NUP214: variants seen among roughly 807,000 people sequenced by gnomAD.
The protein encoded by NUP214 is nucleoporin 214.
Under a neutral mutation model 196.2 loss-of-function variants are expected in NUP214, and 79 were observed. That is an observed-to-expected ratio of 0.40 (90% confidence interval 0.34 to 0.49). The LOEUF (loss-of-function observed/expected upper bound fraction) is 0.49. NUP214 is among the 20% of genes least tolerant of loss of function. The pLI, the probability that NUP214 is intolerant of heterozygous loss-of-function variation, is 0.58. For missense variants in NUP214, 2,468 were observed against 2,539.0 expected, an observed-to-expected ratio of 0.97 and a Z score of 0.60; for synonymous variants, 1,020 against 990.5, an observed-to-expected ratio of 1.03 and a Z score of -0.56.
rs201160630 is a variant in NUP214 at position 131,159,871 on chromosome 9, A to AG, written c.2540+385_2540+386insG. On this transcript the variant is annotated intron_variant, in intron 18 of 35. Transcript: ENST00000359428. ...AAATTCCCATCTCAAAAAAAAAAAA[A>AG]CAAGAAAGAGAAAATCTCTACAAAA... 7.5e-3 allele frequency among the ~76,000 whole-genome samples: 1,136 copies of AG among 151,952 alleles called. 13 individuals are homozygous for AG. Among genetic ancestry groups the AG allele is most frequent in the African/African-American group, 0.026 (1,067 of 41,454 alleles).
intron 24 of NUP214, among the ~76,000 whole-genome samples, chr9:131,181,117 G>A (rs557964709): frequency 6.6e-5 from 10 of 152,242 alleles, no homozygotes; most frequent in African/African-American, 2.4e-4. Flanking sequence ...GCCAGGGAAG[G>A]CCTTCTCAGG....
chr9:131,153,689 T>C (rs1212445571), intron 17 of NUP214, among the ~76,000 whole-genome samples: 1 of 152,254 alleles, frequency 6.6e-6, no homozygotes, highest in Non-Finnish European at 1.5e-5. Context: ...GAGTGTTTAC[T>C]ATGGACAATG....
rs967108471 is a variant in NUP214, at chr9:131,198,016, A to C, written c.4522A>C (p.Ser1508Arg). The change falls in exon 29 of 36, where the codon AGT (serine) becomes CGT (arginine). Residue 1508 changes from serine to arginine, a missense_variant. Coordinates refer to ENST00000359428, the MANE Select transcript of NUP214 (RefSeq NM_005085.4). ...AGCTTTGCCTGAGAAGCCAGGTGAC[A>C]GTGAGGTCTCAGCATCAGCAGCCTC... ...SSALPEKPGD[S>R]EVSASAASLL... 2.5e-6 allele frequency: 4 copies of C among 1,614,240 alleles called. No homozygotes were observed. Among genetic ancestry groups the C allele is most frequent in the Non-Finnish European group, 3.4e-6 (4 of 1,180,038 alleles).
chr9:131,212,142 T>C (rs2131074376), intron 30 of NUP214, among the ~76,000 whole-genome samples: 1 of 152,270 alleles, frequency 6.6e-6, no homozygotes, highest in East Asian at 1.9e-4. Context: ...AGCCCCAGTC[T>C]CCTGTGGCAC....
chr9:131,181,255 C>T (rs1429686680), intron 24 of NUP214, among the ~76,000 whole-genome samples: 1 of 152,086 alleles, frequency 6.6e-6, no homozygotes, highest in African/African-American at 2.4e-5. Context: ...CAGGGGGGAC[C>T]TCTGGTGACG....
intron 18 of NUP214, among the ~76,000 whole-genome samples, chr9:131,162,532 C>T (rs948797776): frequency 6.6e-6 from 1 of 152,176 alleles, no homozygotes; most frequent in Non-Finnish European, 1.5e-5. Flanking sequence ...GATGCTAAAT[C>T]TTATGCTGTC....
At chr9:131,130,067 G>T (rs1831484525) in intron 4 of NUP214, among the ~76,000 whole-genome samples, 1 of 150,750 alleles carries the variant, frequency 6.6e-6, no homozygotes, top group Non-Finnish European at 1.5e-5. Flanking sequence ...TACTCTGAAA[G>T]TCATTTGTAC....
At chr9:131,161,785 T>C (rs1012822188) in intron 18 of NUP214, among the ~76,000 whole-genome samples, 2 of 152,224 alleles carry the variant, frequency 1.3e-5, no homozygotes, top group Non-Finnish European at 2.9e-5. Flanking sequence ...TTTGTCATTA[T>C]ATGATCATCA....
chr9:131,154,848 C>T lies in NUP214; in HGVS notation c.2436+2954C>T, dbSNP rs1013956779. 9.2e-5 allele frequency among the ~76,000 whole-genome samples: 14 copies of T among 151,930 alleles called. 1 individual carries two copies. The South Asian group carries it at 1.0e-3, about 11-fold the overall frequency. ...AGTTGTGTGTGTGTGTGTGTGCGCA[C>T]GCGCACGCTCGCGTGTGTGTCACAT... On this transcript the variant is annotated intron_variant, in intron 17 of 35. Transcript: ENST00000359428.
At chr9:131,132,238 G>C (rs1831576236) in intron 5 of NUP214, among the ~76,000 whole-genome samples, 1 of 149,768 alleles carries the variant, frequency 6.7e-6, no homozygotes. Context: ...TCCTGCCTCA[G>C]CCTCCCGAGT....
intron 21 of NUP214, among the ~76,000 whole-genome samples, chr9:131,172,336 G>T (rs932161961): frequency 1.3e-5 from 2 of 152,068 alleles, no homozygotes; most frequent in Non-Finnish European, 2.9e-5. Flanking sequence ...GTGTTTTTTG[G>T]CTGCATAAAT....
chr9:131,133,882 G>A lies in NUP214; in HGVS notation c.831+673G>A, dbSNP rs1250603493. ...GTGTGCTAGGCACTGCTTTAAAGCT[G>A]AGTATATAGCAGTGATCAAGGTGAT... On this transcript the variant is annotated intron_variant, in intron 7 of 35. Transcript: ENST00000359428. 3.3e-5 allele frequency among the ~76,000 whole-genome samples: 5 copies of A among 152,168 alleles called. 1 individual carries two copies. The highest frequency in any genetic ancestry group is 1.5e-5 in the Non-Finnish European group (1 of 68,030).
chr9:131,222,745 C>G, intron 31 of NUP214, 33 bp from the exon 32 acceptor site: 2 of 1,600,312 alleles, frequency 1.2e-6, no homozygotes, highest in Non-Finnish European at 1.7e-6. Flanking sequence ...CATTTGTCTC[C>G]CTCTGACCTC....
At chr9:131,222,720 A>C in intron 31 of NUP214, 58 bp from the exon 32 acceptor site, 2 of 1,556,112 alleles carry the variant, frequency 1.3e-6, no homozygotes, top group South Asian at 2.4e-5. Context: ...CTGTGTTCTG[A>C]GAAGCAGGTA....
At chr9:131,209,933 A>G (rs1407067232) in intron 30 of NUP214, among the ~76,000 whole-genome samples, 1 of 152,220 alleles carries the variant, frequency 6.6e-6, no homozygotes, top group Admixed American at 6.5e-5. Context: ...CACCTCAGAT[A>G]CTTACAGACC....
At chr9:131,173,589 T>C (rs1235206783) in intron 21 of NUP214, among the ~76,000 whole-genome samples, 1 of 151,828 alleles carries the variant, frequency 6.6e-6, no homozygotes, top group Admixed American at 6.6e-5. Flanking sequence ...ATTAGATTTA[T>C]CTGGAAATGT....
chr9:131,131,720 G>T (rs762944630), intron 5 of NUP214, among the ~76,000 whole-genome samples: 1 of 151,876 alleles, frequency 6.6e-6, no homozygotes, highest in African/African-American at 2.4e-5. Context: ...GTCTTGCTCT[G>T]TTGCCCAGGC....
intron 18 of NUP214, among the ~76,000 whole-genome samples, chr9:131,161,896 A>G (rs1832648648): frequency 6.6e-6 from 1 of 152,220 alleles, no homozygotes; most frequent in African/African-American, 2.4e-5. Context: ...AGACCACAGT[A>G]CCATACAGCA....
chr9:131,192,124 A>G (rs1833618175), intron 26 of NUP214, 84 bp from the exon 27 acceptor site: 1 of 907,244 alleles, frequency 1.1e-6, no homozygotes, highest in Non-Finnish European at 1.6e-6. Context: ...GCTGAGCTAC[A>G]GGGAATTATA....
Sources: allele counts gnomAD v4.1 joint callset (sites outside exome capture counted in the v4.1 genomes callset), GRCh38; gene constraint gnomAD v4.1.1; transcripts MANE v1.5; gene names NCBI Gene and HGNC (gene_info 2026-07-23, HGNC 2026-07-21).